CREB5: variants seen among roughly 807,000 people sequenced by gnomAD.
The protein encoded by CREB5 is cAMP responsive element binding protein 5.
In CREB5, 19 loss-of-function variants were observed where a neutral mutation model predicts 57.1. The ratio of observed to expected loss-of-function variants is 0.33; its 90% CI spans 0.23 to 0.49. The LOEUF is 0.49. CREB5 is among the 20% of genes least tolerant of loss of function. The pLI is 0.99. For synonymous variants in CREB5, 238 were observed against 238.3 expected (o/e 1.00, Z 0.01); for missense variants, 579 against 671.6 (o/e 0.86, Z 1.52).
intron 5 of CREB5, among the ~76,000 whole-genome samples, chr7:28,591,859 T>A (rs530101500): frequency 6.6e-6 from 1 of 152,308 alleles, no homozygotes; most frequent in African/African-American, 2.4e-5. Flanking sequence ...TGCTTGGGAC[T>A]CATAGGCTCT....
chr7:28,519,721 A>G (rs1285396787), intron 4 of CREB5, among the ~76,000 whole-genome samples: 1 of 152,254 alleles, frequency 6.6e-6, no homozygotes, highest in Admixed American at 6.5e-5. Context: ...ACAACTGCTC[A>G]GTGCTGCACT....
At chr7:28,537,278 A>T (rs183534435) in intron 4 of CREB5, among the ~76,000 whole-genome samples, 222 of 152,350 alleles carry the variant, frequency 1.5e-3, no homozygotes, top group African/African-American at 5.0e-3. Flanking sequence ...CATATTTGTC[A>T]TCTCATATGG....
At chr7:28,404,249 T>G (rs1204323577) in intron 1 of CREB5, among the ~76,000 whole-genome samples, 1 of 152,208 alleles carries the variant, frequency 6.6e-6, no homozygotes, top group East Asian at 1.9e-4. Context: ...TGTATGTGGT[T>G]GCCTAACACA....
rs1321148542 is a variant in CREB5 at position 28,821,989 on chromosome 7, TTTAG to T, written c.*2713_*2716del. 2 of 152,654 alleles carry T rather than the reference TTTAG, an allele frequency of 1.3e-5. No homozygotes were observed. Among genetic ancestry groups the T allele is most frequent in the Non-Finnish European group, 2.9e-5 (2 of 68,032 alleles). The allele number at this position is 152,654 out of a possible 1,614,324, so 9.5% of individuals were successfully genotyped here. ...TCTGTTCCACCTTTTGATTGAAATA[TTTAG>T]TTGTTAGGCTGAAAGCCTCGGCAGT... On this transcript the variant is annotated 3_prime_UTR_variant, in exon 11 of 11. Transcript: ENST00000357727.
chr7:28,731,599 A>G (rs961223661), intron 7 of CREB5, among the ~76,000 whole-genome samples: 5 of 152,212 alleles, frequency 3.3e-5, no homozygotes, highest in African/African-American at 1.2e-4. Context: ...AAGAAGGAGA[A>G]TTAGAACCCA....
intron 1 of CREB5, among the ~76,000 whole-genome samples, chr7:28,379,925 T>C (rs1786933260): frequency 6.6e-6 from 1 of 152,194 alleles, no homozygotes; most frequent in South Asian, 2.1e-4. Flanking sequence ...TTTCTCGCTC[T>C]GTCACCCAGG....
At chr7:28,692,186 C>CAAA (rs60979497) in intron 5 of CREB5, among the ~76,000 whole-genome samples, 3,152 of 145,480 alleles carry the variant, frequency 0.022, 125 homozygotes, top group African/African-American at 0.072. Flanking sequence ...ACTCCGTCTC[C>CAAA]AAAAAAAAAA....
chr7:28,376,054 A>C (rs1441094153), intron 1 of CREB5, among the ~76,000 whole-genome samples: 1 of 152,154 alleles, frequency 6.6e-6, no homozygotes, highest in Non-Finnish European at 1.5e-5. Context: ...AGCTTCTCCC[A>C]ACTGCTGTTG....
chr7:28,468,232 C>T (rs1313891274), intron 1 of CREB5, among the ~76,000 whole-genome samples: 4 of 152,208 alleles, frequency 2.6e-5, no homozygotes, highest in Non-Finnish European at 5.9e-5. Context: ...GGGCCAGCAC[C>T]AGGTCCTGTC....
chr7:28,803,704 C>T (rs769194501), intron 7 of CREB5, among the ~76,000 whole-genome samples: 2 of 147,960 alleles, frequency 1.4e-5, no homozygotes, highest in Non-Finnish European at 3.0e-5. Flanking sequence ...TGCAGTGAGC[C>T]GAGATCGCAC....
rs139527132 is a variant in CREB5 at position 28,591,469 on chromosome 7, A to G, written c.464+20932A>G. On this transcript the variant is annotated intron_variant, in intron 5 of 10. Coordinates refer to ENST00000357727, the MANE Select transcript of CREB5 (RefSeq NM_182898.4). ...CTCAGAAAACCTTTGTAGATTTGCT[A>G]TGTCCTGAGACTATTTCTTAGAAAC... Among the ~76,000 whole-genome samples, 574 of 152,220 alleles carry G rather than the reference A, an allele frequency of 3.8e-3. 2 individuals are homozygous for G. The highest frequency in any genetic ancestry group is 0.013 in the African/African-American group (535 of 41,558).
chr7:28,608,111 TCTCACACACA>T (rs1184635143), intron 5 of CREB5, among the ~76,000 whole-genome samples: 1,988 of 109,336 alleles, frequency 0.018, 47 homozygotes, highest in African/African-American at 0.07. Flanking sequence ...TCTCTCTCTC[TCTCACACACA>T]CTCACACACA....
At chr7:28,756,218 C>A (rs1805288048) in intron 7 of CREB5, among the ~76,000 whole-genome samples, 1 of 152,050 alleles carries the variant, frequency 6.6e-6, no homozygotes, top group African/African-American at 2.4e-5. Context: ...CAAGTCGCAG[C>A]CAAATGAAGG....
chr7:28,369,073 C>A (rs1181937785), intron 1 of CREB5, among the ~76,000 whole-genome samples: 5 of 151,940 alleles, frequency 3.3e-5, no homozygotes, highest in South Asian at 4.2e-4. Flanking sequence ...AACAAACAAA[C>A]AAAATAAATT....
intron 5 of CREB5, among the ~76,000 whole-genome samples, chr7:28,684,898 C>A (rs1800784857): frequency 6.6e-6 from 1 of 151,958 alleles, no homozygotes; most frequent in African/African-American, 2.4e-5. Flanking sequence ...GGTTAAAAAG[C>A]CCTGCTAATA....
At chr7:28,720,434 A>G (rs568322986) in intron 6 of CREB5, among the ~76,000 whole-genome samples, 16 of 152,344 alleles carry the variant, frequency 1.1e-4, no homozygotes, top group Admixed American at 9.8e-4. Context: ...GTAGCTGTCC[A>G]ATGTCACACA....
chr7:28,809,153 A>C, intron 8 of CREB5, 34 bp from the exon 9 acceptor site: 1 of 1,574,500 alleles, frequency 6.4e-7, no homozygotes, highest in Non-Finnish European at 8.6e-7. Context: ...GTCCTTCCCT[A>C]TCCCCATCAC....
chr7:28,476,499 T>C (rs1294889052), intron 1 of CREB5, among the ~76,000 whole-genome samples: 1 of 151,996 alleles, frequency 6.6e-6, no homozygotes, highest in Non-Finnish European at 1.5e-5. Context: ...AGATAAAATC[T>C]ATATCACCTA....
At chr7:28,485,318 C>A (rs904244692) in intron 1 of CREB5, among the ~76,000 whole-genome samples, 1 of 152,076 alleles carries the variant, frequency 6.6e-6, no homozygotes, top group African/African-American at 2.4e-5. Context: ...GTATATGAAA[C>A]TTTCTCATTT....
Sources: gnomAD v4.1 joint callset for allele counts (sites outside exome capture counted in the v4.1 genomes callset) on GRCh38, gnomAD v4.1.1 for gene constraint, MANE v1.5 for transcripts, NCBI Gene and HGNC (gene_info 2026-07-23, HGNC 2026-07-21) for gene names.